The following RELCH variants were observed in gnomAD, a reference collection of about 807,000 sequenced individuals.
The protein encoded by RELCH is RAB11-binding protein RELCH.
RELCH carries 41 observed loss-of-function variants against 150.3 expected under a neutral mutation model. That is an observed-to-expected ratio of 0.27 (90% confidence interval 0.21 to 0.35). RELCH has a LOEUF of 0.35. RELCH is among the 10% of genes least tolerant of loss of function. RELCH has a pLI of 1.00. For missense variants in RELCH, 1,092 were observed against 1,467.8 expected (o/e 0.74, Z 4.18); for synonymous variants, 478 against 531.8 (o/e 0.90, Z 1.39).
At chr18:62,191,863 C>A (rs919450198) in intron 1 of RELCH, among the ~76,000 whole-genome samples, 24 of 152,112 alleles carry the variant, frequency 1.6e-4, no homozygotes, top group African/African-American at 5.1e-4. Flanking sequence ...GATACACATG[C>A]CTGTATCTTT....
intron 1 of RELCH, among the ~76,000 whole-genome samples, chr18:62,197,103 C>G (rs2039100916): frequency 6.6e-6 from 1 of 152,068 alleles, no homozygotes; most frequent in South Asian, 2.1e-4. Context: ...GATAATAGCT[C>G]TTGTATTTTT....
chr18:62,227,175 T>C, intron 5 of RELCH, 114 bp from the exon 6 acceptor site: 1 of 708,036 alleles, frequency 1.4e-6, no homozygotes, highest in African/African-American at 1.8e-5. Flanking sequence ...CCAGCCTGCA[T>C]GACACAGCAA....
intron 2 of RELCH, among the ~76,000 whole-genome samples, chr18:62,215,785 A>G (rs1466216253): frequency 3.3e-5 from 5 of 152,142 alleles, no homozygotes; most frequent in Non-Finnish European, 2.9e-5. Flanking sequence ...AGAGCCCACA[A>G]TAGATCTTTT....
intron 20 of RELCH, among the ~76,000 whole-genome samples, chr18:62,270,377 G>A (rs1600170723): frequency 6.6e-6 from 1 of 152,094 alleles, no homozygotes; most frequent in Non-Finnish European, 1.5e-5. Flanking sequence ...AATGTAACAG[G>A]CTGCCACACT....
At chr18:62,194,449 T>G (rs1277500073) in intron 1 of RELCH, among the ~76,000 whole-genome samples, 1 of 152,224 alleles carries the variant, frequency 6.6e-6, no homozygotes, top group African/African-American at 2.4e-5. Context: ...GGAACCGTAT[T>G]TTAATGAAGG....
intron 1 of RELCH, among the ~76,000 whole-genome samples, chr18:62,188,978 A>G (rs2038391623): frequency 6.6e-6 from 1 of 152,174 alleles, no homozygotes; most frequent in African/African-American, 2.4e-5. Flanking sequence ...CTGCAGCCTA[A>G]TTGATTTTTT....
intron 27 of RELCH, among the ~76,000 whole-genome samples, chr18:62,294,199 G>C (rs532692196): frequency 6.6e-6 from 1 of 152,294 alleles, no homozygotes; most frequent in East Asian, 1.9e-4. Context: ...ATGTACAAAA[G>C]TTTGTCTGTG....
intron 20 of RELCH, among the ~76,000 whole-genome samples, chr18:62,272,559 T>G (rs979049280): frequency 6.6e-6 from 1 of 152,060 alleles, no homozygotes; most frequent in African/African-American, 2.4e-5. Context: ...CATATTGAGG[T>G]AGCAATCACA....
In RELCH at chr18:62,308,375, A is replaced by G. The variant is rs2045933075; in HGVS notation, c.*2841A>G. ...TATTCTTTGTGTAAAGATTGTACTA[A>G]TTTTTTCAGTTCATTAAAGAAAGTT... On this transcript the variant is annotated 3_prime_UTR_variant, in exon 29 of 29. Coordinates refer to ENST00000644646, the MANE Select transcript of RELCH (RefSeq NM_001346231.2). 1 of 152,140 alleles carries G rather than the reference A, an allele frequency of 6.6e-6. No homozygotes were observed. Among genetic ancestry groups the G allele is most frequent in the Non-Finnish European group, 1.5e-5 (1 of 68,018 alleles). The allele number at this position is 152,140 out of a possible 1,614,324, so 9.4% of individuals were successfully genotyped here.
intron 1 of RELCH, among the ~76,000 whole-genome samples, chr18:62,190,946 G>T (rs139670434): frequency 5.3e-5 from 8 of 152,296 alleles, no homozygotes; most frequent in African/African-American, 1.9e-4. Flanking sequence ...AGTTTTGCCT[G>T]TTCTAAAATT....
chr18:62,292,584 A>G (rs758559930), intron 27 of RELCH, among the ~76,000 whole-genome samples: 3 of 152,188 alleles, frequency 2.0e-5, no homozygotes, highest in African/African-American at 4.8e-5. Context: ...GCTCACTGCC[A>G]TCTGTCTATT....
intron 1 of RELCH, among the ~76,000 whole-genome samples, chr18:62,202,004 T>C (rs1052387218): frequency 5.3e-5 from 8 of 152,202 alleles, no homozygotes; most frequent in African/African-American, 1.9e-4. Flanking sequence ...AAAACATCAA[T>C]CTGCACGACT....
In RELCH at chr18:62,265,561, G is replaced by A. The variant is rs144104524; in HGVS notation, c.2631+709G>A. The stretch of plus-strand genomic sequence containing the variant: ...GTTAATAAACACATTTAAAAGGTAA[G>A]CATTTTAATTATTAAATTTAATTTA... On this transcript the variant is annotated intron_variant, in intron 18 of 28. Transcript: ENST00000644646. Among the ~76,000 whole-genome samples the A allele has an allele frequency of 2.1e-3, 316 of 152,084 alleles. 4 individuals carry two copies. The highest frequency in any genetic ancestry group is 7.3e-3 in the African/African-American group (305 of 41,518).
At chr18:62,244,704 A>G (rs1461878300) in intron 10 of RELCH, 60 bp from the exon 11 acceptor site, 8 of 1,095,688 alleles carry the variant, frequency 7.3e-6, no homozygotes, top group Non-Finnish European at 1.1e-5. Context: ...ATTGTGGAGG[A>G]AAAAAGAATA....
intron 8 of RELCH, among the ~76,000 whole-genome samples, chr18:62,229,467 T>G (rs138888767): frequency 1.0e-4 from 15 of 149,124 alleles, no homozygotes; most frequent in South Asian, 4.3e-4. Flanking sequence ...AACCACAGCT[T>G]CTTCTGTGTA....
chr18:62,189,108 A>G (rs1156876614), intron 1 of RELCH, among the ~76,000 whole-genome samples: 2 of 152,120 alleles, frequency 1.3e-5, no homozygotes, highest in African/African-American at 4.8e-5. Flanking sequence ...CCCCTTGGAT[A>G]TGGGATTTTC....
Position 62,240,004 on chromosome 18 carries a change from CAATT to C in RELCH, c.1621-4758_1621-4755del, listed in dbSNP as rs764936263. On this transcript the variant is annotated intron_variant, in intron 10 of 28. Transcript: ENST00000644646. ...TATATTTGGATATAATGTAATGTGACAATTAGGGTACTGATAAGCCAAGATACAA... is the reference window on the plus strand; with the variant it reads ...TATATTTGGATATAATGTAATGTGACAGGGTACTGATAAGCCAAGATACAA... 1.1e-4 allele frequency among the ~76,000 whole-genome samples: 16 copies of C among 151,614 alleles called. No homozygotes were observed. In the East Asian group the frequency reaches 2.3e-3, roughly 22 times the overall value.
At chr18:62,195,178 G>A (rs2038934893) in intron 1 of RELCH, among the ~76,000 whole-genome samples, 1 of 151,926 alleles carries the variant, frequency 6.6e-6, no homozygotes, top group South Asian at 2.1e-4. Context: ...CTCAGTTTTG[G>A]ATAAATTCTT....
At chr18:62,252,864 C>A in intron 12 of RELCH, 110 bp downstream of exon 12, 1 of 754,630 alleles carries the variant, frequency 1.3e-6, no homozygotes, top group Non-Finnish European at 2.2e-6. Context: ...ATAAATTATG[C>A]TGATGTTTCT....
Sources: allele counts gnomAD v4.1 joint callset (sites outside exome capture counted in the v4.1 genomes callset), GRCh38; gene constraint gnomAD v4.1.1; transcripts MANE v1.5; gene names NCBI Gene and HGNC (gene_info 2026-07-23, HGNC 2026-07-21).